Variants in XKR4 observed in about 807,000 individuals in gnomAD.
XKR4 encodes the protein XK-related protein 4.
A neutral mutation model predicts 53.9 loss-of-function variants in XKR4; 12 were observed. The ratio of observed to expected loss-of-function variants is 0.22; its 90% confidence interval spans 0.14 to 0.36. The LOEUF is 0.36. Ranked by LOEUF, XKR4 falls within the 10% of genes least tolerant of loss-of-function variation. The probability of loss-of-function intolerance (pLI) is 1.00; values close to 1 mark genes in which losing one functional copy is unlikely to be tolerated. For synonymous variants in XKR4, 354 were observed against 362.4 expected (o/e 0.98, Z 0.26); for missense variants, 799 against 859.5 (o/e 0.93, Z 0.88).
chr8:55,379,524 C>T (rs575294524), intron 2 of XKR4, among the ~76,000 whole-genome samples: 83 of 152,314 alleles, frequency 5.4e-4, no homozygotes, highest in Non-Finnish European at 1.0e-3. Context: ...ATGCTGGCTA[C>T]CGGTTTCTAC....
At chr8:55,454,475 A>G (rs1188368850) in intron 2 of XKR4, 2 of 1,180,962 alleles carry the variant, frequency 1.7e-6, no homozygotes, top group Admixed American at 4.0e-5. Flanking sequence ...GTGCTCCATG[A>G]GGGTGGCACA....
chr8:55,194,784 T>G (rs560634955), intron 1 of XKR4, among the ~76,000 whole-genome samples: 1 of 152,308 alleles, frequency 6.6e-6, no homozygotes, highest in East Asian at 1.9e-4. Context: ...AAAGGAATGA[T>G]TCAAATATTG....
chr8:55,389,941 T>C (rs1227553919), intron 2 of XKR4, among the ~76,000 whole-genome samples: 3 of 152,164 alleles, frequency 2.0e-5, no homozygotes, highest in African/African-American at 7.2e-5. Context: ...ACGTCAATGT[T>C]CCTGCCCAGG....
intron 2 of XKR4, among the ~76,000 whole-genome samples, chr8:55,362,319 G>A (rs1563332872): frequency 1.3e-5 from 2 of 152,078 alleles, no homozygotes; most frequent in Non-Finnish European, 2.9e-5. Context: ...TGAATTAAGG[G>A]GTGTGTGTTA....
At chr8:55,167,076 T>C (rs901633146) in intron 1 of XKR4, among the ~76,000 whole-genome samples, 1 of 152,160 alleles carries the variant, frequency 6.6e-6, no homozygotes, top group Non-Finnish European at 1.5e-5. Flanking sequence ...ATTCTGAAGG[T>C]AGTAGCATCA....
At chr8:55,412,696 G>A (rs1340641001) in intron 2 of XKR4, among the ~76,000 whole-genome samples, 2 of 152,232 alleles carry the variant, frequency 1.3e-5, no homozygotes, top group Non-Finnish European at 2.9e-5. Flanking sequence ...GATTCAAATA[G>A]GAGAATTTCA....
chr8:55,441,025 T>C (rs1805255478), intron 2 of XKR4, among the ~76,000 whole-genome samples: 1 of 147,402 alleles, frequency 6.8e-6, no homozygotes, highest in African/African-American at 2.5e-5. Flanking sequence ...CCCAAAAGCT[T>C]GATACCAGCC....
chr8:55,220,511 G>C (rs1385161262), intron 1 of XKR4, among the ~76,000 whole-genome samples: 1 of 152,100 alleles, frequency 6.6e-6, no homozygotes, highest in East Asian at 1.9e-4. Context: ...CACCAACTAG[G>C]CTTCATGACT....
At chr8:55,273,152 G>C (rs1199472767) in intron 1 of XKR4, among the ~76,000 whole-genome samples, 1 of 45,320 alleles carries the variant, frequency 2.2e-5, no homozygotes, top group Non-Finnish European at 1.4e-4. Flanking sequence ...CTGTGTGTGT[G>C]TGTGTGTGTG....
At chr8:55,350,738 CT>C (rs1028164969) in intron 1 of XKR4, among the ~76,000 whole-genome samples, 16,352 of 122,242 alleles carry the variant, frequency 0.13, 503 homozygotes, top group Non-Finnish European at 0.17. Context: ...TTTTTCTTTT[CT>C]TTTTTTTTTT....
intron 2 of XKR4, among the ~76,000 whole-genome samples, chr8:55,490,056 T>C (rs959604955): frequency 6.6e-6 from 1 of 152,196 alleles, no homozygotes; most frequent in Admixed American, 6.5e-5. Flanking sequence ...CCATTTTATA[T>C]TTACCTAATC....
At chr8:55,273,706 A>G (rs1818725345) in intron 1 of XKR4, among the ~76,000 whole-genome samples, 1 of 152,160 alleles carries the variant, frequency 6.6e-6, no homozygotes, top group Admixed American at 6.5e-5. Context: ...ATCCCTGACC[A>G]ATCAGCACTC....
intron 1 of XKR4, among the ~76,000 whole-genome samples, chr8:55,259,612 G>A (rs969421508): frequency 2.3e-4 from 35 of 152,064 alleles, no homozygotes; most frequent in Admixed American, 1.3e-3. Context: ...TGTGCGTGAG[G>A]GTGAAGCACA....
At chr8:55,247,677 C>A (rs907497020) in intron 1 of XKR4, among the ~76,000 whole-genome samples, 1 of 152,098 alleles carries the variant, frequency 6.6e-6, no homozygotes, top group African/African-American at 2.4e-5. Flanking sequence ...CATTCCCTTT[C>A]TTGACATTTT....
At chr8:55,363,346 C>A (rs575937007) in intron 2 of XKR4, among the ~76,000 whole-genome samples, 1 of 152,148 alleles carries the variant, frequency 6.6e-6, no homozygotes, top group Non-Finnish European at 1.5e-5. Flanking sequence ...AACAGTTTAT[C>A]CTGAATACTT....
chr8:55,446,509 T>A (rs1259794664), intron 2 of XKR4, among the ~76,000 whole-genome samples: 1 of 152,040 alleles, frequency 6.6e-6, no homozygotes, highest in Non-Finnish European at 1.5e-5. Context: ...TCCTGGCCAA[T>A]TTTTTTGTTG....
At chr8:55,465,530 A>G (rs1243233807) in intron 2 of XKR4, among the ~76,000 whole-genome samples, 1 of 151,868 alleles carries the variant, frequency 6.6e-6, no homozygotes, top group East Asian at 1.9e-4. Context: ...AACCATAAAA[A>G]CCCTAGAAGA....
chr8:55,301,678 G>A (rs1447044575), intron 1 of XKR4, among the ~76,000 whole-genome samples: 8 of 152,208 alleles, frequency 5.3e-5, no homozygotes, highest in East Asian at 3.9e-4. Context: ...ACTTTTTAAT[G>A]ATCACCATTC....
At chr8:55,365,480 G>A (rs1803966087) in intron 2 of XKR4, among the ~76,000 whole-genome samples, 3 of 152,180 alleles carry the variant, frequency 2.0e-5, no homozygotes, top group African/African-American at 4.8e-5. Flanking sequence ...CAAGGCGGGC[G>A]GATCACCTGA....
Sources: allele counts gnomAD v4.1 joint callset (sites outside exome capture counted in the v4.1 genomes callset), GRCh38; gene constraint gnomAD v4.1.1; transcripts MANE v1.5; gene names NCBI Gene and HGNC (gene_info 2026-07-23, HGNC 2026-07-21).